Variants in TBC1D5 observed in about 807,000 individuals in gnomAD.
TBC1D5 encodes the protein TBC1 domain family member 5.
In TBC1D5, 75 loss-of-function variants were observed where a neutral mutation model predicts 100.3. That is an observed-to-expected ratio of 0.75 (90% confidence interval 0.62 to 0.91). The LOEUF (loss-of-function observed/expected upper bound fraction) is 0.91, where lower values mean the gene tolerates loss of function less well. Among genes scored for constraint, TBC1D5 ranks in the 40% least tolerant of loss-of-function variants. TBC1D5 has a pLI of 0.00. For missense variants in TBC1D5, 910 were observed against 942.4 expected, an observed-to-expected ratio of 0.97 and a Z score of 0.45; for synonymous variants, 323 against 325.6, an observed-to-expected ratio of 0.99 and a Z score of 0.09.
rs377595655 is a variant in TBC1D5, at chr3:17,321,965, AG to A, written c.996-13832del. ...TAGTTTCTCTGTACTCTTACTTTAC[AG>A]TGAGTCTGCCTGATTTACCATGAAT... On this transcript the variant is annotated intron_variant, in intron 13 of 21. Coordinates refer to ENST00000253692, the Ensembl canonical transcript of TBC1D5. Among the ~76,000 whole-genome samples the A allele has an allele frequency of 1.8e-3, 280 of 152,334 alleles. 1 individual carries two copies. Among genetic ancestry groups the A allele is most frequent in the African/African-American group, 6.4e-3 (264 of 41,574 alleles).
chr3:17,339,474 C>T (rs1309965731), intron 13 of TBC1D5, among the ~76,000 whole-genome samples: 1 of 152,200 alleles, frequency 6.6e-6, no homozygotes, highest in Non-Finnish European at 1.5e-5. Context: ...GATGACCCAT[C>T]AAGCTAATCT....
chr3:17,162,032 T>G (rs1022485235), intron 21 of TBC1D5, among the ~76,000 whole-genome samples: 1 of 150,412 alleles, frequency 6.6e-6, no homozygotes, highest in African/African-American at 2.5e-5. Context: ...TTAACTTACT[T>G]AATAAAGTTA....
At chr3:17,671,390 C>T (rs775194391) in intron 1 of TBC1D5, among the ~76,000 whole-genome samples, 1 of 152,178 alleles carries the variant, frequency 6.6e-6, no homozygotes, top group Non-Finnish European at 1.5e-5. Flanking sequence ...AACCTAAGCA[C>T]ACTGAGTGAC....
At chr3:17,334,477 G>C (rs955296048) in intron 13 of TBC1D5, among the ~76,000 whole-genome samples, 1 of 152,060 alleles carries the variant, frequency 6.6e-6, no homozygotes, top group African/African-American at 2.4e-5. Flanking sequence ...CCATTTTATA[G>C]ACGAAGCAGT....
At chr3:17,509,672 CTTG>C (rs2095880519) in intron 2 of TBC1D5, among the ~76,000 whole-genome samples, 1 of 151,810 alleles carries the variant, frequency 6.6e-6, no homozygotes, top group Non-Finnish European at 1.5e-5. Context: ...AGTATTAAAC[CTTG>C]TTTATATGAT....
chr3:17,484,096 C>T lies in TBC1D5; in HGVS notation c.97+24378G>A, dbSNP rs147249156. Among the ~76,000 whole-genome samples, 459 of 152,152 alleles carry T rather than the reference C, an allele frequency of 3.0e-3. 4 individuals carry two copies. Among genetic ancestry groups the T allele is most frequent in the African/African-American group, 0.01 (435 of 41,494 alleles). On this transcript the variant is annotated intron_variant, in intron 3 of 21. Transcript: ENST00000253692. ...GATATTAAGTATCAAAAGAACCAGACCCAAGGATCTCCTTTTCACTCCTAA... is the reference window on the plus strand; with the variant it reads ...GATATTAAGTATCAAAAGAACCAGATCCAAGGATCTCCTTTTCACTCCTAA...
At chr3:17,376,837 A>G (rs2092729999) in intron 9 of TBC1D5, among the ~76,000 whole-genome samples, 1 of 152,110 alleles carries the variant, frequency 6.6e-6, no homozygotes, top group Admixed American at 6.6e-5. Context: ...AAATATGGAG[A>G]GCAGTTCTCT....
intron 2 of TBC1D5, 26 bp downstream of exon 2, chr3:17,623,823 A>C (rs1224569980): frequency 6.6e-6 from 1 of 152,220 alleles, no homozygotes; most frequent in Admixed American, 6.5e-5. Flanking sequence ...CAGCTGATCA[A>C]AATCATTCAA....
chr3:17,235,982 C>G (rs1435939569), intron 17 of TBC1D5, among the ~76,000 whole-genome samples: 11 of 151,764 alleles, frequency 7.2e-5, no homozygotes, highest in Middle Eastern at 3.2e-3. Flanking sequence ...AACAAGGCTA[C>G]TTCCTTTCAG....
At chr3:17,655,345 T>C (rs1055814131) in intron 1 of TBC1D5, among the ~76,000 whole-genome samples, 3 of 149,882 alleles carry the variant, frequency 2.0e-5, no homozygotes, top group Admixed American at 1.3e-4. Flanking sequence ...TTAGGAGATA[T>C]ACCTAATGCT....
intron 17 of TBC1D5, among the ~76,000 whole-genome samples, chr3:17,230,287 G>A (rs1371118860): frequency 6.6e-5 from 10 of 152,068 alleles, no homozygotes. Flanking sequence ...TTTTGTCAGT[G>A]CTTTCTTCTT....
intron 17 of TBC1D5, among the ~76,000 whole-genome samples, chr3:17,225,722 T>G (rs939739031): frequency 6.6e-6 from 1 of 151,988 alleles, no homozygotes; most frequent in East Asian, 1.9e-4. Flanking sequence ...CACACACCTG[T>G]GGTCCCACCT....
chr3:17,481,235 C>T (rs1036337417), intron 3 of TBC1D5, among the ~76,000 whole-genome samples: 15 of 152,236 alleles, frequency 9.9e-5, no homozygotes, highest in African/African-American at 3.6e-4. Context: ...CCCGCCCCAC[C>T]GAAGCAGCTG....
intron 1 of TBC1D5, among the ~76,000 whole-genome samples, chr3:17,734,038 T>A (rs2076774056): frequency 6.6e-6 from 1 of 152,138 alleles, no homozygotes; most frequent in South Asian, 2.1e-4. Flanking sequence ...GATGGGCAGA[T>A]CTTTTGACCC....
At chr3:17,269,356 T>C (rs1359155265) in intron 15 of TBC1D5, among the ~76,000 whole-genome samples, 1 of 152,190 alleles carries the variant, frequency 6.6e-6, no homozygotes, top group Non-Finnish European at 1.5e-5. Context: ...TTTCTGTTGC[T>C]GTGGGACTGC....
chr3:17,283,240 C>T (rs891763396), intron 15 of TBC1D5, among the ~76,000 whole-genome samples: 1 of 152,188 alleles, frequency 6.6e-6, no homozygotes, highest in African/African-American at 2.4e-5. Flanking sequence ...TTATGTGGTC[C>T]AGTTTCCTCA....
intron 8 of TBC1D5, among the ~76,000 whole-genome samples, chr3:17,385,740 G>C (rs1429584344): frequency 2.0e-5 from 3 of 151,510 alleles, no homozygotes; most frequent in Admixed American, 1.3e-4. Context: ...CCTCTTTTTG[G>C]GGGGCCAGTA....
chr3:17,615,896 T>G (rs540590475), intron 2 of TBC1D5, among the ~76,000 whole-genome samples: 289 of 152,250 alleles, frequency 1.9e-3, no homozygotes, highest in Non-Finnish European at 3.3e-3. Context: ...CTTCAGTTCT[T>G]CTCTGATCTT....
At chr3:17,635,373 T>G (rs927000573) in intron 1 of TBC1D5, among the ~76,000 whole-genome samples, 27 of 152,110 alleles carry the variant, frequency 1.8e-4, no homozygotes, top group Admixed American at 5.2e-4. Context: ...AGGCAATAAA[T>G]GTAGATAGAA....
Sources: allele counts gnomAD v4.1 joint callset (sites outside exome capture counted in the v4.1 genomes callset), GRCh38; gene constraint gnomAD v4.1.1; transcripts MANE v1.5; gene names NCBI Gene and HGNC (gene_info 2026-07-23, HGNC 2026-07-21).